Variants in RAP1A observed in about 807,000 individuals in gnomAD.
RAP1A encodes the protein ras-related protein Rap-1A.
RAP1A carries 6 observed loss-of-function variants against 26.4 expected under a neutral mutation model. That is an observed-to-expected ratio of 0.23 (90% CI 0.12 to 0.45). The LOEUF is 0.45. Ranked by LOEUF, RAP1A falls within the 20% of genes least tolerant of loss-of-function variation. The probability of loss-of-function intolerance (pLI) is 0.99; values close to 1 mark genes in which losing one functional copy is unlikely to be tolerated. For missense variants in RAP1A, 121 were observed against 217.2 expected (o/e 0.56, Z 2.78); for synonymous variants, 73 against 79.4 (o/e 0.92, Z 0.43).
chr1:111,585,097 T>C (rs1202252915), intron 1 of RAP1A, among the ~76,000 whole-genome samples: 1 of 152,230 alleles, frequency 6.6e-6, no homozygotes, highest in Non-Finnish European at 1.5e-5. Context: ...TATTCCATCG[T>C]GGCTTCATCA....
chr1:111,550,069 T>C (rs772217291), intron 1 of RAP1A, among the ~76,000 whole-genome samples: 1 of 152,230 alleles, frequency 6.6e-6, no homozygotes, highest in East Asian at 1.9e-4. Context: ...TTGTGTGTTT[T>C]TAGAAATTTG....
intron 1 of RAP1A, among the ~76,000 whole-genome samples, chr1:111,580,373 G>A (rs1193239158): frequency 6.6e-6 from 1 of 152,186 alleles, no homozygotes; most frequent in Non-Finnish European, 1.5e-5. Flanking sequence ...GGGAAGAGGA[G>A]ATGAGGATAA....
intron 1 of RAP1A, among the ~76,000 whole-genome samples, chr1:111,605,334 C>A (rs7529641): frequency 0.18 from 27,347 of 152,126 alleles, 2,844 homozygotes; most frequent in South Asian, 0.23. Context: ...GGGACAATGT[C>A]TTTGGATCCC....
intron 1 of RAP1A, among the ~76,000 whole-genome samples, chr1:111,683,044 T>G (rs982576167): frequency 3.3e-5 from 5 of 152,176 alleles, no homozygotes; most frequent in Admixed American, 6.5e-5. Flanking sequence ...ACATGGAAAC[T>G]GAACAACCTG....
At chr1:111,708,965 A>G (rs1305706539) in intron 6 of RAP1A, among the ~76,000 whole-genome samples, 184 bp from the exon 7 acceptor site, 1 of 152,214 alleles carries the variant, frequency 6.6e-6, no homozygotes, top group Non-Finnish European at 1.5e-5. Context: ...TTCCTTCATT[A>G]TAAATAGGTA....
intron 1 of RAP1A, among the ~76,000 whole-genome samples, chr1:111,681,373 C>T (rs1018027132): frequency 3.3e-5 from 5 of 152,188 alleles, no homozygotes; most frequent in Non-Finnish European, 7.3e-5. Context: ...CAGAAGTAGG[C>T]TTCAGAAGGT....
chr1:111,582,625 C>T (rs1046655584), intron 1 of RAP1A, among the ~76,000 whole-genome samples: 12 of 152,194 alleles, frequency 7.9e-5, no homozygotes, highest in Non-Finnish European at 1.6e-4. Context: ...GCAGTGGGCA[C>T]ACGATTGCCT....
chr1:111,623,148 G>C (rs1357824851), intron 1 of RAP1A, among the ~76,000 whole-genome samples: 5 of 149,948 alleles, frequency 3.3e-5, no homozygotes, highest in African/African-American at 1.2e-4. Flanking sequence ...CTCCCCAGTA[G>C]CTGGGATAAC....
chr1:111,665,818 C>A (rs1039046412), intron 1 of RAP1A, among the ~76,000 whole-genome samples: 5 of 152,036 alleles, frequency 3.3e-5, no homozygotes, highest in African/African-American at 1.2e-4. Flanking sequence ...AGAAGCATTC[C>A]CAGTATTAAA....
chr1:111,557,722 A>G (rs1358789895), intron 1 of RAP1A, among the ~76,000 whole-genome samples: 1 of 152,208 alleles, frequency 6.6e-6, no homozygotes, highest in Non-Finnish European at 1.5e-5. Flanking sequence ...ATAGCCTGAC[A>G]AATATATAGA....
At chr1:111,624,475 C>G (rs1013667390) in intron 1 of RAP1A, among the ~76,000 whole-genome samples, 1 of 152,186 alleles carries the variant, frequency 6.6e-6, no homozygotes, top group African/African-American at 2.4e-5. Flanking sequence ...CTCTCAGTCT[C>G]CTGCACACAG....
chr1:111,693,563 G>A (rs1344321651), intron 2 of RAP1A, among the ~76,000 whole-genome samples: 2 of 152,148 alleles, frequency 1.3e-5, no homozygotes, highest in East Asian at 3.8e-4. Flanking sequence ...CAGAGGATAA[G>A]ATTCAGAGGA....
chr1:111,556,736 G>A (rs1057222339), intron 1 of RAP1A, among the ~76,000 whole-genome samples: 1 of 152,108 alleles, frequency 6.6e-6, no homozygotes, highest in African/African-American at 2.4e-5. Flanking sequence ...GGGCTTGAGG[G>A]AGGGAGGAGT....
chr1:111,626,186 A>G (rs955505317), intron 1 of RAP1A, among the ~76,000 whole-genome samples: 1 of 152,220 alleles, frequency 6.6e-6, no homozygotes, highest in Non-Finnish European at 1.5e-5. Flanking sequence ...TGAACATTTC[A>G]CATTCTCTTA....
At chr1:111,554,676 C>A (rs1214448700) in intron 1 of RAP1A, among the ~76,000 whole-genome samples, 2 of 152,072 alleles carry the variant, frequency 1.3e-5, no homozygotes, top group Non-Finnish European at 2.9e-5. Flanking sequence ...GTACAAGGTC[C>A]AAAAGTCTTC....
intron 1 of RAP1A, among the ~76,000 whole-genome samples, chr1:111,641,439 C>T (rs1371691543): frequency 2.0e-4 from 31 of 152,178 alleles, no homozygotes; most frequent in Non-Finnish European, 1.3e-4. Flanking sequence ...CACATTCTGG[C>T]TCCACCTTCC....
chr1:111,635,638 T>C (rs544397825), intron 1 of RAP1A, among the ~76,000 whole-genome samples: 1 of 152,270 alleles, frequency 6.6e-6, no homozygotes, highest in East Asian at 1.9e-4. Context: ...CAATCTCTGC[T>C]CACTGCAACC....
chr1:111,641,381 G>T (rs1395094493), intron 1 of RAP1A, among the ~76,000 whole-genome samples: 2 of 152,112 alleles, frequency 1.3e-5, no homozygotes, highest in African/African-American at 4.8e-5. Flanking sequence ...GGATTGCAAC[G>T]CTGGCTTGGC....
In RAP1A at chr1:111,675,252, C is replaced by T. The variant is rs187698106; in HGVS notation, c.-27-16082C>T. Among the ~76,000 whole-genome samples the T allele has an allele frequency of 8.1e-3, 1,239 of 152,094 alleles. 3 individuals are homozygous for T. The highest frequency in any genetic ancestry group is 0.013 in the Non-Finnish European group (859 of 67,978). ...ATCCCAGCACTTTGGGAGGCCGAGG[C>T]GGGTGGATCATGAGGTCAGGAGATC... On this transcript the variant is annotated intron_variant, in intron 1 of 7. Coordinates refer to ENST00000369709, the MANE Select transcript of RAP1A (RefSeq NM_002884.4).
Sources: gnomAD v4.1 joint callset for allele counts (sites outside exome capture counted in the v4.1 genomes callset) on GRCh38, gnomAD v4.1.1 for gene constraint, MANE v1.5 for transcripts, NCBI Gene and HGNC (gene_info 2026-07-23, HGNC 2026-07-21) for gene names.